Variants in MSH3 observed in about 807,000 individuals in gnomAD.
MSH3 encodes the protein DNA mismatch repair protein Msh3.
In MSH3, 106 loss-of-function variants were observed where a neutral mutation model predicts 123.3. The observed-to-expected ratio is 0.86, with a 90% CI of 0.73 to 1.01. The LOEUF is 1.01. MSH3 is among the 50% of genes least tolerant of loss of function. The pLI is 0.00. For synonymous variants in MSH3, 515 were observed against 481.4 expected (o/e 1.07, Z -0.91); for missense variants, 1,459 against 1,347.6 (o/e 1.08, Z -1.29).
At chr5:80,842,310 T>A (rs1199070267) in intron 20 of MSH3, among the ~76,000 whole-genome samples, 1 of 152,190 alleles carries the variant, frequency 6.6e-6, no homozygotes, top group African/African-American at 2.4e-5. Flanking sequence ...TACTGTAGCC[T>A]TGTAATAAAG....
At chr5:80,658,877 C>A (rs1216607293) in intron 2 of MSH3, among the ~76,000 whole-genome samples, 1 of 152,198 alleles carries the variant, frequency 6.6e-6, no homozygotes, top group East Asian at 1.9e-4. Flanking sequence ...GACTGTGCTC[C>A]TGAGCCATCA....
At chr5:80,716,484 C>T (rs915436407) in intron 8 of MSH3, among the ~76,000 whole-genome samples, 5 of 151,724 alleles carry the variant, frequency 3.3e-5, no homozygotes, top group Non-Finnish European at 7.4e-5. Flanking sequence ...AGGCTTGTCT[C>T]AAACTCCTGG....
intron 3 of MSH3, among the ~76,000 whole-genome samples, chr5:80,668,906 C>T (rs1046226925): frequency 2.0e-5 from 3 of 152,202 alleles, no homozygotes; most frequent in African/African-American, 7.2e-5. Flanking sequence ...GGCGAGGCTT[C>T]TTCCACCCAT....
rs558080525 is a variant in MSH3 at position 80,670,250 on chromosome 5, G to T, written c.733G>T (p.Asp245Tyr). 1 of 1,614,124 alleles carries T rather than the reference G, an allele frequency of 6.2e-7. No individual in the cohort carries two copies. Among genetic ancestry groups the T allele is most frequent in the Admixed American group, 1.7e-5 (1 of 60,024 alleles). ...CATAGAAATGAAGCAGCAGCACAAA[G>T]ATGCAGTTTTGTGTGTGGAATGTGG... ...QYIEMKQQHK[D>Y]AVLCVECGYK... Residue 245 changes from aspartate to tyrosine, a missense_variant, in exon 4 of 24, where the codon GAT becomes TAT. Physicochemically the swap from Asp to Tyr is radical, Grantham distance 160. Coordinates refer to ENST00000265081, the MANE Select transcript of MSH3 (RefSeq NM_002439.5).
intron 20 of MSH3, among the ~76,000 whole-genome samples, chr5:80,836,615 C>G (rs1175801940): frequency 6.7e-6 from 1 of 149,822 alleles, no homozygotes; most frequent in Non-Finnish European, 1.5e-5. Flanking sequence ...GGTTTCAGGA[C>G]CCCCCAGTAT....
chr5:80,813,368 CT>C (rs955105138), intron 19 of MSH3, among the ~76,000 whole-genome samples: 9 of 152,128 alleles, frequency 5.9e-5, no homozygotes, highest in African/African-American at 2.2e-4. Context: ...GTCTTATTTC[CT>C]TTTTAATACC....
In MSH3 at chr5:80,730,616, A is replaced by G. The variant is rs6151737; in HGVS notation, c.1568+1651A>G. On this transcript the variant is annotated intron_variant, in intron 10 of 23. Transcript: ENST00000265081. Reference sequence around the variant, plus strand: ...CTCCAAAAATAAACTTATTAAAGAGATCAATCTGTATGGTTGGTTGTGTTG... The same window carrying G: ...CTCCAAAAATAAACTTATTAAAGAGGTCAATCTGTATGGTTGGTTGTGTTG... 4.8e-3 allele frequency among the ~76,000 whole-genome samples: 727 copies of G among 152,210 alleles called. 16 individuals are homozygous for G. In the South Asian group the frequency reaches 0.069, roughly 14 times the overall value.
intron 20 of MSH3, among the ~76,000 whole-genome samples, chr5:80,850,523 A>G (rs1745812885): frequency 6.6e-6 from 1 of 152,218 alleles, no homozygotes. Flanking sequence ...AGGAGGAGCA[A>G]GTCACATCTT....
chr5:80,680,105 C>G (rs1344842943), intron 8 of MSH3, among the ~76,000 whole-genome samples: 1 of 150,930 alleles, frequency 6.6e-6, no homozygotes, highest in Non-Finnish European at 1.5e-5. Flanking sequence ...AAAAAAAATA[C>G]AAAAATTAGC....
At position 80,741,564 on chromosome 5, in the gene MSH3, G is replaced by A. The variant is rs1743615227; in HGVS notation, c.1653+16G>A. The A allele has an allele frequency of 1.3e-6, 2 of 1,562,966 alleles. No individual in the cohort carries two copies. The highest frequency in any genetic ancestry group is 1.1e-5 in the South Asian group (1 of 90,066). On this transcript the variant is annotated intron_variant, in intron 11 of 23. Transcript: ENST00000265081. Reference sequence around the variant, plus strand: ...ACAGAATCAGGTCAGGCAAATACAAGGGCTAGTTGATTATAAATCGTTTTG... The same window carrying A: ...ACAGAATCAGGTCAGGCAAATACAAAGGCTAGTTGATTATAAATCGTTTTG...
chr5:80,855,250 TC>T (rs1044464606), intron 21 of MSH3, among the ~76,000 whole-genome samples: 1 of 151,976 alleles, frequency 6.6e-6, no homozygotes, highest in Admixed American at 6.6e-5. Context: ...CTTTCTGTTT[TC>T]CCCCCCATTT....
chr5:80,802,513 C>G (rs1460369790), intron 19 of MSH3, among the ~76,000 whole-genome samples: 1 of 151,786 alleles, frequency 6.6e-6, no homozygotes, highest in Non-Finnish European at 1.5e-5. Context: ...ATAATGTTAC[C>G]CTCACATGAG....
intron 8 of MSH3, among the ~76,000 whole-genome samples, chr5:80,683,749 G>A (rs1750022273): frequency 6.6e-6 from 1 of 151,938 alleles, no homozygotes; most frequent in African/African-American, 2.4e-5. Context: ...GCCCTATTAA[G>A]AAATCTTTGC....
At chr5:80,851,107 T>C (rs900207422) in intron 20 of MSH3, among the ~76,000 whole-genome samples, 1 of 152,182 alleles carries the variant, frequency 6.6e-6, no homozygotes, top group Non-Finnish European at 1.5e-5. Context: ...TGTTTACTCT[T>C]TCTCTTATTA....
At chr5:80,727,217 A>G (rs898440047) in intron 9 of MSH3, among the ~76,000 whole-genome samples, 2 of 152,230 alleles carry the variant, frequency 1.3e-5, no homozygotes, top group African/African-American at 4.8e-5. Context: ...AGGCAGTGCT[A>G]CTTCTAACAC....
chr5:80,856,491 A>T (rs1295552461), intron 21 of MSH3, among the ~76,000 whole-genome samples: 5 of 137,774 alleles, frequency 3.6e-5, no homozygotes, highest in Non-Finnish European at 7.6e-5. Flanking sequence ...CATAGGTGGG[A>T]GTTGAACAAT....
At chr5:80,842,516 A>G (rs865967231) in intron 20 of MSH3, among the ~76,000 whole-genome samples, 22 of 152,208 alleles carry the variant, frequency 1.4e-4, no homozygotes, top group African/African-American at 3.9e-4. Flanking sequence ...CCATTTTCAC[A>G]ATATTGATTC....
chr5:80,692,611 AAT>A (rs1311605210), intron 8 of MSH3, among the ~76,000 whole-genome samples: 6 of 146,498 alleles, frequency 4.1e-5, no homozygotes, highest in South Asian at 2.2e-4. Context: ...TATATAGATG[AAT>A]ATATATAAAC....
intron 22 of MSH3, among the ~76,000 whole-genome samples, chr5:80,871,069 G>A (rs113201990): frequency 7.0e-4 from 107 of 152,232 alleles, no homozygotes; most frequent in African/African-American, 2.5e-3. Context: ...TTAAGTTCAT[G>A]TGTATGTATA....
Sources: gnomAD v4.1 joint callset for allele counts (sites outside exome capture counted in the v4.1 genomes callset) on GRCh38, gnomAD v4.1.1 for gene constraint, MANE v1.5 for transcripts, NCBI Gene and HGNC (gene_info 2026-07-23, HGNC 2026-07-21) for gene names.